Variants in ARHGEF10 observed in about 807,000 individuals in gnomAD.
ARHGEF10 encodes Rho guanine nucleotide exchange factor (GEF) 10.
Under a neutral mutation model 147.4 loss-of-function variants are expected in ARHGEF10, and 140 were observed. The observed-to-expected ratio is 0.95, with a 90% CI of 0.83 to 1.09. ARHGEF10 has a LOEUF of 1.09. Ranked by LOEUF, ARHGEF10 falls within the 50% of genes least tolerant of loss-of-function variation. ARHGEF10 has a pLI of 0.00. For missense variants in ARHGEF10, 2,222 were observed against 1,752.7 expected, an observed-to-expected ratio of 1.27 and a Z score of -4.78; for synonymous variants, 902 against 695.8, an observed-to-expected ratio of 1.30 and a Z score of -4.67.
At chr8:1,880,254 A>C in intron 9 of ARHGEF10, 90 bp downstream of exon 9, 1 of 906,958 alleles carries the variant, frequency 1.1e-6, no homozygotes, top group South Asian at 1.3e-5. Flanking sequence ...CTGTCTCAAC[A>C]GCGGTTCTCA....
chr8:1,857,761 T>TA (rs1204270783), intron 2 of ARHGEF10, among the ~76,000 whole-genome samples, 199 bp from the exon 3 acceptor site: 1 of 151,922 alleles, frequency 6.6e-6, no homozygotes, highest in East Asian at 1.9e-4. Context: ...TAAAAGAAAA[T>TA]AAAAACCAGT....
At chr8:1,823,856 C>T (rs1585180402), upstream of ARHGEF10, 1 of 151,906 alleles carries the variant, frequency 6.6e-6, no homozygotes. Flanking sequence ...GCTCTGCGGC[C>T]AATGGGCGCC....
intron 28 of ARHGEF10, 96 bp downstream of exon 28, chr8:1,952,923 A>G: frequency 6.5e-7 from 1 of 1,533,198 alleles, no homozygotes; most frequent in Middle Eastern, 1.8e-4. Flanking sequence ...AGGATTCTTT[A>G]AACAATTCAT....
At chr8:1,830,922 C>G (rs1242880260) in intron 1 of ARHGEF10, among the ~76,000 whole-genome samples, 1 of 152,232 alleles carries the variant, frequency 6.6e-6, no homozygotes, top group Non-Finnish European at 1.5e-5. Flanking sequence ...TCCACAGAAG[C>G]CCATTCCCAG....
intron 11 of ARHGEF10, among the ~76,000 whole-genome samples, chr8:1,886,286 A>G (rs1808649179): frequency 6.6e-6 from 1 of 152,216 alleles, no homozygotes; most frequent in African/African-American, 2.4e-5. Context: ...GCAGGGGCTG[A>G]TACTTTGGGA....
At chr8:1,939,720 T>C (rs1416875635) in intron 26 of ARHGEF10, among the ~76,000 whole-genome samples, 1 of 152,208 alleles carries the variant, frequency 6.6e-6, no homozygotes, top group Non-Finnish European at 1.5e-5. Flanking sequence ...TCGAGACTAC[T>C]GGTCCCCAAG....
chr8:1,835,001 C>A (rs1257633704), intron 1 of ARHGEF10, among the ~76,000 whole-genome samples: 1 of 152,246 alleles, frequency 6.6e-6, no homozygotes, highest in East Asian at 1.9e-4. Flanking sequence ...GCATCATTCG[C>A]CAAGCGGGTC....
chr8:1,898,533 C>T lies in ARHGEF10; in HGVS notation c.1650+8C>T, dbSNP rs1398922170. 6 of 1,612,732 alleles carry T rather than the reference C, an allele frequency of 3.7e-6. No homozygotes were observed. The highest frequency in any genetic ancestry group is 3.4e-6 in the Non-Finnish European group (4 of 1,178,728). On this transcript the variant is annotated splice_region_variant and intron_variant, in intron 15 of 28. Transcript: ENST00000349830. ...TTCATCCTCCTGCTCCAGGTAAGTG[C>T]TTCACGGAGACCTCCTCAAGCTAGT...
intron 2 of ARHGEF10, among the ~76,000 whole-genome samples, chr8:1,855,043 G>A (rs572794787): frequency 3.3e-5 from 5 of 152,198 alleles, no homozygotes; most frequent in African/African-American, 9.6e-5. Context: ...CTGCACACAC[G>A]GGCTCCTGTT....
intron 15 of ARHGEF10, among the ~76,000 whole-genome samples, chr8:1,900,815 C>G (rs938981601): frequency 6.6e-6 from 1 of 152,154 alleles, no homozygotes; most frequent in Admixed American, 6.5e-5. Context: ...TTACGTAGGT[C>G]AGTTTGCACA....
chr8:1,862,724 A>T (rs6558556), intron 4 of ARHGEF10, among the ~76,000 whole-genome samples: 1 of 151,584 alleles, frequency 6.6e-6, no homozygotes. Flanking sequence ...TGCAAAACAC[A>T]AGTAAAAGCT....
At chr8:1,830,285 G>GCCCAGGCGGCTCATTTCCCGTGGGA (rs1803015457) in intron 1 of ARHGEF10, among the ~76,000 whole-genome samples, 1 of 152,186 alleles carries the variant, frequency 6.6e-6, no homozygotes, top group African/African-American at 2.4e-5. Flanking sequence ...TTCCCGTGGG[G>GCCCAGGCGGCTCATTTCCCGTGGGA]CCCAGGCGGC....
intron 11 of ARHGEF10, among the ~76,000 whole-genome samples, chr8:1,890,413 A>AG (rs1464280296): frequency 1.4e-5 from 2 of 144,942 alleles, no homozygotes; most frequent in African/African-American, 5.3e-5. Context: ...GAGGGTTGTG[A>AG]GAAGACACTG....
At chr8:1,862,428 G>C (rs1187769999) in intron 4 of ARHGEF10, among the ~76,000 whole-genome samples, 1 of 152,268 alleles carries the variant, frequency 6.6e-6, no homozygotes, top group Non-Finnish European at 1.5e-5. Context: ...TCTTGTTTAC[G>C]CACGGGCTGT....
At chr8:1,876,802 G>A (rs1204286592) in intron 8 of ARHGEF10, 68 bp downstream of exon 8, 3 of 1,540,914 alleles carry the variant, frequency 1.9e-6, no homozygotes, top group Non-Finnish European at 2.7e-6. Context: ...CTGTGAATAT[G>A]ATTGTGATCC....
intron 1 of ARHGEF10, among the ~76,000 whole-genome samples, chr8:1,828,815 A>G (rs1270536673): frequency 2.0e-5 from 3 of 152,194 alleles, no homozygotes; most frequent in Non-Finnish European, 4.4e-5. Context: ...CGTGGCATGC[A>G]CACTTACGGT....
At chr8:1,920,781 G>GA (rs1554507162) in intron 18 of ARHGEF10, among the ~76,000 whole-genome samples, 5 of 149,018 alleles carry the variant, frequency 3.4e-5, no homozygotes, top group African/African-American at 4.9e-5. Context: ...TTGCTCTTTC[G>GA]TTTTTTTTTG....
Position 1,923,010 on chromosome 8 carries a change from C to G in ARHGEF10, c.2190C>G (p.Asn730Lys). 1 of 1,613,436 alleles carries G rather than the reference C, an allele frequency of 6.2e-7. No homozygotes were observed. The highest frequency in any genetic ancestry group is 8.5e-7 in the Non-Finnish European group (1 of 1,179,882). The change falls in exon 19 of 29, where the codon AAC (asparagine) becomes AAG (lysine). Residue 730 changes from asparagine to lysine, a missense_variant. Asn to Lys is a moderately conservative substitution (Grantham distance 94). Coordinates refer to ENST00000349830, the MANE Select transcript of ARHGEF10 (RefSeq NM_014629.4). Reference protein sequence around the residue: ...GPGQLYQDLQNLLHDLNVIGQ... With the variant: ...GPGQLYQDLQKLLHDLNVIGQ... The stretch of plus-strand genomic sequence containing the variant: ...GACAACTGTATCAAGATTTACAAAA[C>G]TTGTTGCATGACTTAAATGTAATTG...
intron 27 of ARHGEF10, among the ~76,000 whole-genome samples, chr8:1,952,447 C>A (rs118094066): frequency 0.013 from 1,915 of 152,322 alleles, 14 homozygotes; most frequent in Non-Finnish European, 0.02. Context: ...GCCATGCAGA[C>A]GACAGCCCAG....
Sources: gnomAD v4.1 joint callset for allele counts (sites outside exome capture counted in the v4.1 genomes callset) on GRCh38, gnomAD v4.1.1 for gene constraint, MANE v1.5 for transcripts, NCBI Gene and HGNC (gene_info 2026-07-23, HGNC 2026-07-21) for gene names.